Variants in TET1 observed in about 807,000 individuals in gnomAD.
The protein encoded by TET1 is methylcytosine dioxygenase TET1.
In TET1, 13 loss-of-function variants were observed where a neutral mutation model predicts 148.7. The ratio of observed to expected loss-of-function variants is 0.09; its 90% confidence interval spans 0.06 to 0.14. The LOEUF (loss-of-function observed/expected upper bound fraction) is 0.14, where lower values mean the gene tolerates loss of function less well. Among genes scored for constraint, TET1 ranks in the 10% least tolerant of loss-of-function variants. The pLI, the probability that TET1 is intolerant of heterozygous loss-of-function variation, is 1.00. For synonymous variants in TET1, 907 were observed against 937.2 expected (o/e 0.97, Z 0.59); for missense variants, 2,182 against 2,553.8 (o/e 0.85, Z 3.14).
chr10:68,668,275 A>G (rs1199286240), intron 7 of TET1, among the ~76,000 whole-genome samples: 4 of 152,196 alleles, frequency 2.6e-5, no homozygotes, highest in African/African-American at 9.7e-5. Context: ...AATCAAACAT[A>G]CCCATCTTTT....
chr10:68,597,327 C>G (rs2054000786), intron 2 of TET1, among the ~76,000 whole-genome samples: 2 of 152,148 alleles, frequency 1.3e-5, no homozygotes. Flanking sequence ...AGCTACCACG[C>G]CCGGCTGATC....
intron 6 of TET1, among the ~76,000 whole-genome samples, chr10:68,662,025 C>T (rs2055127146): frequency 6.6e-6 from 1 of 151,880 alleles, no homozygotes; most frequent in East Asian, 1.9e-4. Context: ...ACAAGTTGCA[C>T]CACCACACTC....
Position 68,597,030 on chromosome 10 carries a change from A to ATTTTTTTTTTTTTTT in TET1, c.1915-3944_1915-3930dup, listed in dbSNP as rs553591899. ...ATTTTCATGATCACACAGCTAATGG[A>ATTTTTTTTTTTTTTT]TTTTTTTTTTTTTTTTTTTTTGAGA... On this transcript the variant is annotated intron_variant, in intron 2 of 11. Transcript: ENST00000373644. Among the ~76,000 whole-genome samples, 335 of 98,824 alleles carry ATTTTTTTTTTTTTTT rather than the reference A, an allele frequency of 3.4e-3. 31 individuals are homozygous for ATTTTTTTTTTTTTTT. Among genetic ancestry groups the ATTTTTTTTTTTTTTT allele is most frequent in the Middle Eastern group, 5.7e-3 (1 of 174 alleles). 64.8% of individuals were successfully genotyped at this position (98,824 alleles called of 152,430 possible).
intron 3 of TET1, among the ~76,000 whole-genome samples, chr10:68,625,701 G>T (rs972248086): frequency 6.6e-5 from 10 of 152,072 alleles, no homozygotes; most frequent in African/African-American, 2.4e-4. Flanking sequence ...GTTTTTAGTT[G>T]TGTAACACCA....
intron 6 of TET1, among the ~76,000 whole-genome samples, chr10:68,661,196 ATTTT>A (rs974912892): frequency 3.8e-5 from 3 of 78,630 alleles, no homozygotes; most frequent in Admixed American, 1.5e-4. Context: ...CGCCTGGCTA[ATTTT>A]TTTTTTTTTT....
intron 3 of TET1, among the ~76,000 whole-genome samples, chr10:68,617,134 G>C (rs1307970037): frequency 4.2e-5 from 6 of 142,178 alleles, no homozygotes. Flanking sequence ...CTATTCTCCT[G>C]CCTCAGCCTC....
chr10:68,676,734 A>C (rs1393493648), intron 8 of TET1, among the ~76,000 whole-genome samples: 1 of 152,140 alleles, frequency 6.6e-6, no homozygotes, highest in Non-Finnish European at 1.5e-5. Context: ...TTTTGAGGAA[A>C]CATTAATCTT....
chr10:68,673,618 A>G, intron 8 of TET1: 6 of 150,968 alleles, frequency 4.0e-5, no homozygotes, highest in East Asian at 3.9e-4. Flanking sequence ...AGGCAGTGGG[A>G]GGGGGTGGGG....
chr10:68,659,140 T>C (rs1158253530), intron 6 of TET1, among the ~76,000 whole-genome samples: 1 of 152,138 alleles, frequency 6.6e-6, no homozygotes, highest in Non-Finnish European at 1.5e-5. Flanking sequence ...GGCAGGAGTA[T>C]AACTCTTTGT....
chr10:68,687,465 G>T (rs768161585), intron 11 of TET1, among the ~76,000 whole-genome samples: 2 of 152,156 alleles, frequency 1.3e-5, no homozygotes, highest in Non-Finnish European at 2.9e-5. Flanking sequence ...CTTTCGGGAT[G>T]CCTTCCTTGG....
intron 3 of TET1, among the ~76,000 whole-genome samples, chr10:68,636,459 A>C (rs2054651114): frequency 6.6e-6 from 1 of 152,086 alleles, no homozygotes; most frequent in African/African-American, 2.4e-5. Flanking sequence ...AGAATATCAA[A>C]GTAATCCCAG....
chr10:68,582,203 A>G (rs181188081), intron 2 of TET1, among the ~76,000 whole-genome samples: 1 of 152,044 alleles, frequency 6.6e-6, no homozygotes, highest in Non-Finnish European at 1.5e-5. Flanking sequence ...GGATTCAAGC[A>G]ATTCTCCTGC....
intron 10 of TET1, among the ~76,000 whole-genome samples, chr10:68,684,117 G>C (rs905550846): frequency 6.6e-6 from 1 of 152,156 alleles, no homozygotes; most frequent in African/African-American, 2.4e-5. Flanking sequence ...GGATGAGCAT[G>C]TTGGCTCATG....
chr10:68,604,605 T>C (rs552935435), intron 3 of TET1, among the ~76,000 whole-genome samples: 1 of 152,164 alleles, frequency 6.6e-6, no homozygotes, highest in East Asian at 1.9e-4. Context: ...GCTGCTTTGA[T>C]TGGTTGATCC....
intron 5 of TET1, 109 bp from the exon 6 acceptor site, chr10:68,652,392 G>T (rs2054949611): frequency 3.1e-6 from 2 of 636,790 alleles, no homozygotes; most frequent in East Asian, 3.1e-5. Context: ...TCTAATTTTT[G>T]AACTTCTGTA....
At chr10:68,666,128 T>A (rs1268969011) in intron 6 of TET1, among the ~76,000 whole-genome samples, 1 of 152,114 alleles carries the variant, frequency 6.6e-6, no homozygotes, top group African/African-American at 2.4e-5. Flanking sequence ...AGAATTTTTT[T>A]TTTTTGTAGT....
rs952797302 is a variant in TET1, at chr10:68,560,375, G to A, written c.-490G>A. On this transcript the variant is annotated 5_prime_UTR_variant, in exon 1 of 12. Coordinates refer to ENST00000373644, the MANE Select transcript of TET1 (RefSeq NM_030625.3). ...TGTCCTGGGGAGACACTGCTGCTCC[G>A]GGGGGCTGACCTGGCGGGGAGTGGC... Among the ~76,000 whole-genome samples, 1 of 152,174 alleles carries A rather than the reference G, an allele frequency of 6.6e-6. No individual in the cohort carries two copies. The highest frequency in any genetic ancestry group is 1.5e-5 in the Non-Finnish European group (1 of 68,026).
chr10:68,635,374 G>A lies in TET1; in HGVS notation c.1969-9324G>A, dbSNP rs149583461. ...TTTGGGAAGCTAAAGTGAGAGGACT[G>A]CTTAAGCCCAGGAGTTTGAGACCAG... On this transcript the variant is annotated intron_variant, in intron 3 of 11. Coordinates refer to ENST00000373644, the MANE Select transcript of TET1 (RefSeq NM_030625.3). Among the ~76,000 whole-genome samples the A allele has an allele frequency of 3.2e-3, 490 of 152,090 alleles. 5 individuals carry two copies. The highest frequency in any genetic ancestry group is 0.011 in the African/African-American group (470 of 41,470).
chr10:68,577,011 C>A (rs1763561277), intron 2 of TET1, among the ~76,000 whole-genome samples: 1 of 152,014 alleles, frequency 6.6e-6, no homozygotes, highest in African/African-American at 2.4e-5. Context: ...TGGGTTCACG[C>A]CATTCTCCTG....
Sources: allele counts gnomAD v4.1 joint callset (sites outside exome capture counted in the v4.1 genomes callset), GRCh38; gene constraint gnomAD v4.1.1; transcripts MANE v1.5; gene names NCBI Gene and HGNC (gene_info 2026-07-23, HGNC 2026-07-21).